The following PACS1 variants were observed in gnomAD, a reference collection of about 807,000 sequenced individuals.
PACS1 encodes the protein PACS-1.
Under a neutral mutation model 115.0 loss-of-function variants are expected in PACS1, and 24 were observed. The ratio of observed to expected loss-of-function variants is 0.21; its 90% CI spans 0.15 to 0.29. The LOEUF is 0.29. PACS1 is among the 10% of genes least tolerant of loss of function. The pLI is 1.00. For synonymous variants in PACS1, 453 were observed against 504.5 expected (o/e 0.90, Z 1.37); for missense variants, 838 against 1,251.2 (o/e 0.67, Z 4.98).
chr11:66,088,983 C>A (rs778519860), intron 1 of PACS1, among the ~76,000 whole-genome samples: 1 of 152,068 alleles, frequency 6.6e-6, no homozygotes. Context: ...TATTTTTAAA[C>A]CCTAAAGCTA....
chr11:66,153,234 T>C (rs960109885), intron 1 of PACS1, among the ~76,000 whole-genome samples: 30 of 152,302 alleles, frequency 2.0e-4, no homozygotes, highest in African/African-American at 6.3e-4. Context: ...GGGCTCAAGC[T>C]ATCATCCTGC....
chr11:66,079,202 C>T (rs59290960), intron 1 of PACS1, among the ~76,000 whole-genome samples: 2 of 151,758 alleles, frequency 1.3e-5, no homozygotes, highest in Non-Finnish European at 2.9e-5. Flanking sequence ...AGTTGTTTTT[C>T]TGAAACATTG....
chr11:66,231,376 G>C (rs76903949), intron 13 of PACS1, among the ~76,000 whole-genome samples: 1 of 152,188 alleles, frequency 6.6e-6, no homozygotes, highest in African/African-American at 2.4e-5. Context: ...CTTTCAAGCC[G>C]GGAAGCCAAC....
At chr11:66,129,703 G>A (rs774203256) in intron 1 of PACS1, among the ~76,000 whole-genome samples, 15 of 151,954 alleles carry the variant, frequency 9.9e-5, no homozygotes, top group Non-Finnish European at 2.2e-4. Context: ...GGGATTACCT[G>A]GCTTGTGCTG....
chr11:66,102,526 T>C (rs774863869), intron 1 of PACS1, among the ~76,000 whole-genome samples: 22 of 152,048 alleles, frequency 1.4e-4, no homozygotes, highest in South Asian at 8.3e-4. Flanking sequence ...GGTTTCACCA[T>C]GTTGGCCAGG....
intron 1 of PACS1, among the ~76,000 whole-genome samples, chr11:66,094,844 C>T (rs1201893242): frequency 2.0e-5 from 3 of 152,102 alleles, no homozygotes; most frequent in African/African-American, 7.2e-5. Context: ...AAAGCTTATC[C>T]ACCATGATCA....
chr11:66,218,894 C>T (rs1055334822), intron 7 of PACS1, among the ~76,000 whole-genome samples: 2 of 150,882 alleles, frequency 1.3e-5, no homozygotes, highest in Admixed American at 6.6e-5. Context: ...CAACAGCATG[C>T]AGTTTTTCCC....
intron 1 of PACS1, among the ~76,000 whole-genome samples, chr11:66,123,653 C>T (rs1434645624): frequency 6.6e-6 from 1 of 152,074 alleles, no homozygotes; most frequent in East Asian, 1.9e-4. Context: ...TCCCAAGTAG[C>T]TGGGACTATA....
chr11:66,241,606 C>T lies in PACS1; in HGVS notation c.2609C>T (p.Ser870Phe). The T allele has an allele frequency of 6.2e-7, 1 of 1,614,128 alleles. No individual in the cohort carries two copies. The highest frequency in any genetic ancestry group is 8.5e-7 in the Non-Finnish European group (1 of 1,179,948). The change falls in exon 22 of 24, where the codon TCT (serine) becomes TTT (phenylalanine). Residue 870 changes from serine (S) to phenylalanine (F), a missense_variant. Transcript: ENST00000320580. ...RLPHSGEAQL[S>F]GTMAMTVVTK... is the part of the protein sequence containing the mutation. ...CCCCATAGTGGGGAGGCCCAGCTTTCTGGCACCATGGCCATGACTGTGGTC... is the reference window on the plus strand; with the variant it reads ...CCCCATAGTGGGGAGGCCCAGCTTTTTGGCACCATGGCCATGACTGTGGTC...
At chr11:66,231,060 G>A in intron 13 of PACS1, 120 bp downstream of exon 13, 1 of 1,250,872 alleles carries the variant, frequency 8.0e-7, no homozygotes, top group Non-Finnish European at 1.1e-6. Flanking sequence ...GAAATGCTCT[G>A]AACAAAAACT....
chr11:66,203,955 G>T (rs1031621764), intron 2 of PACS1, among the ~76,000 whole-genome samples: 2 of 152,072 alleles, frequency 1.3e-5, no homozygotes, highest in Non-Finnish European at 2.9e-5. Flanking sequence ...AAAAATAAAA[G>T]AAAACATTGG....
intron 1 of PACS1, among the ~76,000 whole-genome samples, chr11:66,145,309 C>T (rs997033370): frequency 2.0e-5 from 3 of 152,128 alleles, no homozygotes; most frequent in African/African-American, 7.2e-5. Context: ...TAGGGTACAG[C>T]AGGCCGTGAA....
At chr11:66,151,539 C>T (rs1292044484) in intron 1 of PACS1, among the ~76,000 whole-genome samples, 1 of 152,196 alleles carries the variant, frequency 6.6e-6, no homozygotes, top group Admixed American at 6.5e-5. Flanking sequence ...GCAGAGATAG[C>T]AGCTGCTTCA....
intron 1 of PACS1, among the ~76,000 whole-genome samples, chr11:66,091,802 G>A (rs2134513783): frequency 6.6e-6 from 1 of 151,910 alleles, no homozygotes; most frequent in Non-Finnish European, 1.5e-5. Flanking sequence ...ATAGTTTACT[G>A]AGAATGATGA....
Position 66,196,972 on chromosome 11 carries a change from A to G in PACS1, c.444+3399A>G, listed in dbSNP as rs12295536. On this transcript the variant is annotated intron_variant, in intron 2 of 23. Transcript: ENST00000320580. ...GTCACTGAAAGCTTAACAGCTTCCCAGTTCTTAAAGACTTTTCTGAAGAAG... is the reference window on the plus strand; with the variant it reads ...GTCACTGAAAGCTTAACAGCTTCCCGGTTCTTAAAGACTTTTCTGAAGAAG... Among the ~76,000 whole-genome samples, 1,168 of 152,314 alleles carry G rather than the reference A, an allele frequency of 7.7e-3. 15 individuals carry two copies. The highest frequency in any genetic ancestry group is 0.026 in the African/African-American group (1,097 of 41,558).
chr11:66,121,146 T>C, intron 1 of PACS1: 1 of 441,450 alleles, frequency 2.3e-6, no homozygotes, highest in Admixed American at 2.4e-5. Context: ...ATTCTTGCAG[T>C]ATTTAAAATT....
chr11:66,085,084 G>A (rs992156313), intron 1 of PACS1, among the ~76,000 whole-genome samples: 2 of 152,240 alleles, frequency 1.3e-5, no homozygotes, highest in African/African-American at 4.8e-5. Flanking sequence ...GATTGCAGAA[G>A]CCATTAATAA....
chr11:66,193,455 A>G (rs1335142257), intron 1 of PACS1, 31 bp from the exon 2 acceptor site: 19 of 1,493,402 alleles, frequency 1.3e-5, no homozygotes, highest in Non-Finnish European at 1.1e-5. Context: ...TTCCTCGCAT[A>G]TGACAGCATC....
chr11:66,188,137 G>A (rs990457452), intron 1 of PACS1, among the ~76,000 whole-genome samples: 1 of 143,722 alleles, frequency 7.0e-6, no homozygotes, highest in Non-Finnish European at 1.5e-5. Context: ...TGTTCAGATC[G>A]TTTGGCGATT....
Sources: allele counts gnomAD v4.1 joint callset (sites outside exome capture counted in the v4.1 genomes callset), GRCh38; gene constraint gnomAD v4.1.1; transcripts MANE v1.5; gene names NCBI Gene and HGNC (gene_info 2026-07-23, HGNC 2026-07-21).